The following CDYL2 variants were observed in gnomAD, a reference collection of about 807,000 sequenced individuals.
The protein encoded by CDYL2 is chromodomain Y-like protein 2.
A neutral mutation model predicts 49.4 loss-of-function variants in CDYL2; 23 were observed. The ratio of observed to expected loss-of-function variants is 0.47; its 90% confidence interval spans 0.34 to 0.66. The LOEUF is 0.66. Among genes scored for constraint, CDYL2 ranks in the 30% least tolerant of loss-of-function variants. CDYL2 has a pLI of 0.01. For synonymous variants in CDYL2, 360 were observed against 268.8 expected (o/e 1.34, Z -3.32); for missense variants, 678 against 656.4 (o/e 1.03, Z -0.36).
Position 80,605,567 on chromosome 16 carries a change from T to C in CDYL2, c.1363-1021A>G, listed in dbSNP as rs142848645. On this transcript the variant is annotated intron_variant, in intron 6 of 6. Transcript: ENST00000570137. ...TAATCACAGCAATGAGCAATAATCATAGTAACAATAGTAATAATCATAGTA... is the reference window on the plus strand; with the variant it reads ...TAATCACAGCAATGAGCAATAATCACAGTAACAATAGTAATAATCATAGTA... Among the ~76,000 whole-genome samples, 19 of 150,476 alleles carry C rather than the reference T, an allele frequency of 1.3e-4. No homozygotes were observed. In the East Asian group the frequency reaches 3.3e-3, roughly 26 times the overall value.
chr16:80,688,916 C>A (rs1340795408), intron 1 of CDYL2, among the ~76,000 whole-genome samples: 2 of 152,154 alleles, frequency 1.3e-5, no homozygotes, highest in Non-Finnish European at 2.9e-5. Flanking sequence ...CAAACAAAAA[C>A]AAACAAAAAA....
intron 1 of CDYL2, among the ~76,000 whole-genome samples, chr16:80,742,588 G>C (rs111942664): frequency 9.2e-5 from 14 of 152,014 alleles, no homozygotes; most frequent in African/African-American, 3.1e-4. Context: ...GGGTGAGTGG[G>C]TAGATAGGTG....
chr16:80,795,678 G>A (rs1313475470), intron 1 of CDYL2, among the ~76,000 whole-genome samples: 1 of 152,170 alleles, frequency 6.6e-6, no homozygotes, highest in Non-Finnish European at 1.5e-5. Flanking sequence ...TTCAGGCCCA[G>A]GATAGGCCTC....
intron 1 of CDYL2, among the ~76,000 whole-genome samples, chr16:80,773,001 T>G (rs986868796): frequency 1.1e-4 from 17 of 152,158 alleles, no homozygotes; most frequent in Non-Finnish European, 2.9e-5. Flanking sequence ...AATATTCCAA[T>G]TAAAACATAA....
chr16:80,617,698 T>C (rs1314426637), intron 4 of CDYL2, among the ~76,000 whole-genome samples: 1 of 152,226 alleles, frequency 6.6e-6, no homozygotes, highest in Non-Finnish European at 1.5e-5. Flanking sequence ...CCGCATCTTC[T>C]GCACTTCCAT....
intron 1 of CDYL2, among the ~76,000 whole-genome samples, chr16:80,701,752 A>G (rs1351630268): frequency 2.0e-5 from 3 of 152,252 alleles, no homozygotes; most frequent in African/African-American, 4.8e-5. Context: ...CGCAGTTTAC[A>G]ATCAAAGTCC....
chr16:80,626,030 C>T (rs1177047160), intron 3 of CDYL2, among the ~76,000 whole-genome samples: 1 of 151,942 alleles, frequency 6.6e-6, no homozygotes, highest in African/African-American at 2.4e-5. Context: ...TGGATCACAC[C>T]TGTAATTCTG....
chr16:80,723,099 C>T (rs1905053458), intron 1 of CDYL2, among the ~76,000 whole-genome samples: 1 of 152,222 alleles, frequency 6.6e-6, no homozygotes, highest in African/African-American at 2.4e-5. Context: ...ATGTACCCAC[C>T]ACAGGCACCT....
At chr16:80,758,926 G>A (rs1452167739) in intron 1 of CDYL2, among the ~76,000 whole-genome samples, 2 of 151,496 alleles carry the variant, frequency 1.3e-5, no homozygotes, top group Non-Finnish European at 2.9e-5. Context: ...GTACCTCTGG[G>A]TTCTATAATA....
chr16:80,730,204 G>C (rs1905280270), intron 1 of CDYL2, among the ~76,000 whole-genome samples: 1 of 151,960 alleles, frequency 6.6e-6, no homozygotes, highest in Non-Finnish European at 1.5e-5. Flanking sequence ...TAGACCGCTA[G>C]CAAGACTAAT....
intron 1 of CDYL2, among the ~76,000 whole-genome samples, chr16:80,721,564 A>G (rs1904999403): frequency 1.3e-5 from 2 of 152,210 alleles, no homozygotes; most frequent in South Asian, 4.1e-4. Context: ...CATCCTTTGC[A>G]AAGCCAAGCT....
chr16:80,670,839 C>T (rs1909472601), intron 2 of CDYL2: 3 of 447,920 alleles, frequency 6.7e-6, no homozygotes, highest in Admixed American at 4.7e-5. Flanking sequence ...GGGTTGCACA[C>T]GAGGAAGATA....
At chr16:80,756,944 G>C (rs1047108784) in intron 1 of CDYL2, among the ~76,000 whole-genome samples, 1 of 151,192 alleles carries the variant, frequency 6.6e-6, no homozygotes, top group Non-Finnish European at 1.5e-5. Flanking sequence ...AGTCAACTAA[G>C]ACCAAAAGAA....
At chr16:80,670,017 A>T (rs1909434859) in intron 2 of CDYL2, among the ~76,000 whole-genome samples, 1 of 152,164 alleles carries the variant, frequency 6.6e-6, no homozygotes, top group Non-Finnish European at 1.5e-5. Context: ...CCACCCAAAC[A>T]ACCCAAGACA....
At chr16:80,687,578 A>G (rs560066282) in intron 1 of CDYL2, among the ~76,000 whole-genome samples, 5 of 152,070 alleles carry the variant, frequency 3.3e-5, no homozygotes, top group Admixed American at 3.3e-4. Flanking sequence ...GGCTGGATGG[A>G]TGGATGGACA....
At chr16:80,623,666 T>C (rs1019177732) in intron 3 of CDYL2, among the ~76,000 whole-genome samples, 10 of 152,196 alleles carry the variant, frequency 6.6e-5, no homozygotes, top group African/African-American at 2.2e-4. Flanking sequence ...TCACTTAGCC[T>C]TCTGGGGGAG....
chr16:80,792,153 G>C (rs947902807), intron 1 of CDYL2, among the ~76,000 whole-genome samples: 7 of 152,164 alleles, frequency 4.6e-5, no homozygotes, highest in Non-Finnish European at 8.8e-5. Flanking sequence ...GATATTTTGA[G>C]TTTAAAGAGC....
At chr16:80,615,718 G>C (rs770904578) in intron 4 of CDYL2, among the ~76,000 whole-genome samples, 1 of 152,086 alleles carries the variant, frequency 6.6e-6, no homozygotes, top group Non-Finnish European at 1.5e-5. Context: ...TCCATGAAAC[G>C]GAATCAGGGA....
intron 1 of CDYL2, among the ~76,000 whole-genome samples, chr16:80,771,666 T>C (rs1312302970): frequency 1.3e-5 from 2 of 151,914 alleles, no homozygotes; most frequent in Non-Finnish European, 2.9e-5. Flanking sequence ...GGGATTGCAG[T>C]GAGCCAAGAT....
Sources: gnomAD v4.1 joint callset for allele counts (sites outside exome capture counted in the v4.1 genomes callset) on GRCh38, gnomAD v4.1.1 for gene constraint, MANE v1.5 for transcripts, NCBI Gene and HGNC (gene_info 2026-07-23, HGNC 2026-07-21) for gene names.